Variants in SLC39A8 observed in about 807,000 individuals in gnomAD.
SLC39A8 encodes the protein metal cation symporter ZIP8.
In SLC39A8, 15 loss-of-function variants were observed where a neutral mutation model predicts 40.4. The observed-to-expected ratio is 0.37, with a 90% CI of 0.25 to 0.57. The LOEUF (loss-of-function observed/expected upper bound fraction) is 0.57. Ranked by LOEUF, SLC39A8 falls within the 20% of genes least tolerant of loss-of-function variation. SLC39A8 has a pLI of 0.75. For missense variants in SLC39A8, 472 were observed against 558.8 expected (o/e 0.84, Z 1.57); for synonymous variants, 223 against 221.6 (o/e 1.01, Z -0.06).
rs987417081 is a variant in SLC39A8, at chr4:102,315,106, T to C, written c.382+562A>G. On this transcript the variant is annotated intron_variant, in intron 3 of 8. Transcript: ENST00000356736. ...TATTAAGCATACATATATTTTATTA[T>C]GGTTTAAAATTTCTTTGCATCAGAT... is the stretch of plus-strand genomic sequence containing the variant. Among the ~76,000 whole-genome samples the C allele has an allele frequency of 5.9e-5, 9 of 152,202 alleles. No homozygotes were observed. In the South Asian group the frequency reaches 1.7e-3, roughly 28 times the overall value.
At chr4:102,328,571 G>C (rs1735315601) in intron 2 of SLC39A8, among the ~76,000 whole-genome samples, 1 of 152,160 alleles carries the variant, frequency 6.6e-6, no homozygotes, top group Non-Finnish European at 1.5e-5. Flanking sequence ...AAAGGTTGAA[G>C]TTATTTATCA....
chr4:102,293,757 A>G (rs1733559727), intron 6 of SLC39A8, among the ~76,000 whole-genome samples: 3 of 152,004 alleles, frequency 2.0e-5, no homozygotes, highest in African/African-American at 7.2e-5. Flanking sequence ...TCTAAATTCA[A>G]TGCAATGTCA....
chr4:102,335,134 G>A (rs537885205), intron 2 of SLC39A8, among the ~76,000 whole-genome samples: 1 of 152,070 alleles, frequency 6.6e-6, no homozygotes, highest in Admixed American at 6.6e-5. Context: ...ATATACTTAC[G>A]TTCTGGGGAA....
chr4:102,302,220 A>G (rs1184845085), intron 6 of SLC39A8, among the ~76,000 whole-genome samples: 1 of 152,046 alleles, frequency 6.6e-6, no homozygotes, highest in Non-Finnish European at 1.5e-5. Context: ...AAAATCTTCC[A>G]TCAGAGCAAG....
chr4:102,323,992 T>C (rs907242701), intron 2 of SLC39A8, among the ~76,000 whole-genome samples: 1 of 152,160 alleles, frequency 6.6e-6, no homozygotes, highest in East Asian at 1.9e-4. Flanking sequence ...AGAAATTACT[T>C]AATGGACACA....
chr4:102,254,164 C>G (rs1731657268), intron 11 of SLC39A8, among the ~76,000 whole-genome samples: 2 of 152,160 alleles, frequency 1.3e-5, no homozygotes, highest in Non-Finnish European at 2.9e-5. Flanking sequence ...GACTCCTCCT[C>G]CAACCTAAGG....
At chr4:102,291,778 G>A (rs1733456690) in intron 6 of SLC39A8, among the ~76,000 whole-genome samples, 1 of 151,932 alleles carries the variant, frequency 6.6e-6, no homozygotes, top group Non-Finnish European at 1.5e-5. Context: ...GTGTTCTCAG[G>A]AAGAAGCAAA....
At chr4:102,302,849 A>G (rs1458634255) in intron 6 of SLC39A8, among the ~76,000 whole-genome samples, 1 of 152,040 alleles carries the variant, frequency 6.6e-6, no homozygotes, top group Non-Finnish European at 1.5e-5. Context: ...TTATTATTGT[A>G]AGAAATTATA....
intron 8 of SLC39A8, among the ~76,000 whole-genome samples, chr4:102,266,677 G>A (rs144153889): frequency 6.6e-6 from 1 of 151,586 alleles, no homozygotes; most frequent in African/African-American, 2.4e-5. Flanking sequence ...GCACAATCTC[G>A]GCTCACAGCA....
rs561395873 is a variant in SLC39A8, at chr4:102,253,351, C to T, written c.*378G>A. On this transcript the variant is annotated 3_prime_UTR_variant and NMD_transcript_variant, in exon 12 of 12. Coordinates refer to the SLC39A8 transcript ENST00000424970. The stretch of plus-strand genomic sequence containing the variant: ...TCATAACTATGTCATATGCCAACCT[C>T]TAACCAATCACTGTTGAAGGTGCTG... 162 of 700,344 alleles carry T rather than the reference C, an allele frequency of 2.3e-4. 1 individual carries two copies. The highest frequency in any genetic ancestry group is 2.3e-3 in the African/African-American group (129 of 56,482). 43.4% of individuals were successfully genotyped at this position (700,344 alleles called of 1,614,324 possible). A position where few individuals can be genotyped will look rare whatever the true frequency, so the allele number is the denominator to read the frequency against.
exon 12 of SLC39A8, chr4:102,253,366 T>C: frequency 2.8e-6 from 2 of 710,952 alleles, no homozygotes; most frequent in African/African-American, 3.5e-5. Flanking sequence ...CAATCACTGT[T>C]GAAGGTGCTG....
chr4:102,305,178 C>T (rs1734116510), intron 4 of SLC39A8, 67 bp from the exon 5 acceptor site: 21 of 1,483,062 alleles, frequency 1.4e-5, no homozygotes, highest in South Asian at 1.2e-4. Flanking sequence ...GAAAATAATA[C>T]CAGTATGCAA....
rs1275936176 is a variant in SLC39A8 at position 102,344,787 on chromosome 4, T to G, written c.-125A>C. On this transcript the variant is annotated 5_prime_UTR_variant, in exon 2 of 9. Coordinates refer to ENST00000356736, the MANE Select transcript of SLC39A8 (RefSeq NM_001135146.2). ...GCTCGGCGCTGCTCCGAGTCAGAGG[T>G]GGCGCGGGACGCCCCTGGTTCTCCG... 38 of 1,319,328 alleles carry G rather than the reference T, an allele frequency of 2.9e-5. No individual in the cohort carries two copies. The highest frequency in any genetic ancestry group is 3.6e-5 in the Non-Finnish European group (37 of 1,039,124). The allele number at this position is 1,319,328 out of a possible 1,614,324, so 81.7% of individuals were successfully genotyped here.
At chr4:102,281,859 C>T (rs1299541174) in intron 6 of SLC39A8, among the ~76,000 whole-genome samples, 1 of 152,058 alleles carries the variant, frequency 6.6e-6, no homozygotes. Context: ...TGTGCTGACC[C>T]GTTTAAGAAA....
At chr4:102,274,901 C>T (rs1732546368) in intron 6 of SLC39A8, among the ~76,000 whole-genome samples, 1 of 152,096 alleles carries the variant, frequency 6.6e-6, no homozygotes, top group African/African-American at 2.4e-5. Flanking sequence ...CAATCAAATG[C>T]TGAGGGATTT....
At chr4:102,307,199 T>G (rs1222778205) in intron 4 of SLC39A8, among the ~76,000 whole-genome samples, 2 of 152,086 alleles carry the variant, frequency 1.3e-5, no homozygotes, top group Admixed American at 1.3e-4. Flanking sequence ...GTCCCAGAGC[T>G]GTCTGAGCAC....
At chr4:102,270,376 T>C (rs530052734) in intron 6 of SLC39A8, among the ~76,000 whole-genome samples, 3 of 152,328 alleles carry the variant, frequency 2.0e-5, no homozygotes, top group South Asian at 2.1e-4. Flanking sequence ...GTAAGAGTTA[T>C]ACATTTTTAA....
intron 2 of SLC39A8, among the ~76,000 whole-genome samples, chr4:102,334,519 C>G (rs1281500728): frequency 6.6e-6 from 1 of 152,108 alleles, no homozygotes; most frequent in African/African-American, 2.4e-5. Flanking sequence ...ACAACTTTAA[C>G]AAGGGGAAGA....
chr4:102,281,334 G>A (rs572751703), intron 6 of SLC39A8, among the ~76,000 whole-genome samples: 17 of 152,290 alleles, frequency 1.1e-4, no homozygotes, highest in Admixed American at 5.9e-4. Flanking sequence ...ATTCATATGA[G>A]AAAACAGGGG....
Sources: gnomAD v4.1 joint callset for allele counts (sites outside exome capture counted in the v4.1 genomes callset) on GRCh38, gnomAD v4.1.1 for gene constraint, MANE v1.5 for transcripts, NCBI Gene and HGNC (gene_info 2026-07-23, HGNC 2026-07-21) for gene names.